The following LAMA2 variants were observed in gnomAD, a reference collection of about 807,000 sequenced individuals.
LAMA2 encodes laminin subunit alpha-2.
Under a neutral mutation model 364.8 loss-of-function variants are expected in LAMA2, and 269 were observed. That is an observed-to-expected ratio of 0.74 (90% CI 0.67 to 0.82). LAMA2 has a LOEUF of 0.82. Among genes scored for constraint, LAMA2 ranks in the 40% least tolerant of loss-of-function variants. The pLI is 0.00. For missense variants in LAMA2, 3,807 were observed against 3,873.2 expected (o/e 0.98, Z 0.45); for synonymous variants, 1,379 against 1,370.6 (o/e 1.01, Z -0.14).
chr6:129,142,967 G>T (rs990872291), intron 4 of LAMA2, among the ~76,000 whole-genome samples: 1 of 151,830 alleles, frequency 6.6e-6, no homozygotes, highest in African/African-American at 2.4e-5. Flanking sequence ...TTTCTTTATT[G>T]ATTTACAAGA....
chr6:129,045,859 G>A (rs1257405138), intron 1 of LAMA2, among the ~76,000 whole-genome samples: 1 of 152,168 alleles, frequency 6.6e-6, no homozygotes, highest in Non-Finnish European at 1.5e-5. Flanking sequence ...CAGGGCACAG[G>A]GAGTCTTACC....
At chr6:128,911,878 T>C (rs6932090) in intron 1 of LAMA2, among the ~76,000 whole-genome samples, 2,305 of 152,286 alleles carry the variant, frequency 0.015, 60 homozygotes, top group African/African-American at 0.053. Context: ...TAGAATTTCC[T>C]TTATATGAAA....
Position 129,271,870 on chromosome 6 carries a change from T to C in LAMA2, c.2450+1119T>C, listed in dbSNP as rs561945887. 2.6e-5 allele frequency among the ~76,000 whole-genome samples: 4 copies of C among 152,238 alleles called. No homozygotes were observed. In the East Asian group the frequency reaches 7.7e-4, roughly 29 times the overall value. ...TCAAGTAGGTCATACTTCAAACTCT[T>C]ACCCAGAATGCGCCTAATTAAAATG... is the stretch of plus-strand genomic sequence containing the variant. On this transcript the variant is annotated intron_variant, in intron 17 of 64. Transcript: ENST00000421865.
intron 33 of LAMA2, among the ~76,000 whole-genome samples, chr6:129,367,871 G>A (rs975189405): frequency 2.6e-5 from 4 of 152,160 alleles, no homozygotes; most frequent in African/African-American, 9.7e-5. Context: ...TTTATATGTT[G>A]AAAGTCTGTC....
At chr6:129,058,499 GT>G (rs1788642213) in intron 2 of LAMA2, among the ~76,000 whole-genome samples, 2 of 152,314 alleles carry the variant, frequency 1.3e-5, no homozygotes, top group Middle Eastern at 3.4e-3. Flanking sequence ...AAGATCTGTG[GT>G]TTTTGGTAGG....
intron 40 of LAMA2, among the ~76,000 whole-genome samples, chr6:129,413,946 G>A (rs1289403995): frequency 6.6e-6 from 1 of 151,944 alleles, no homozygotes; most frequent in East Asian, 1.9e-4. Flanking sequence ...ACAGCAAGTT[G>A]ATTCTTAGAA....
chr6:129,354,388 A>T (rs1361241509), intron 32 of LAMA2, among the ~76,000 whole-genome samples: 2 of 152,102 alleles, frequency 1.3e-5, no homozygotes, highest in Non-Finnish European at 2.9e-5. Flanking sequence ...ATAAATGTGA[A>T]GGTAGGTGAG....
chr6:129,152,629 A>G lies in LAMA2; in HGVS notation c.1028-1876A>G, dbSNP rs551192190. Among the ~76,000 whole-genome samples, 15 of 152,282 alleles carry G rather than the reference A, an allele frequency of 9.9e-5. 1 individual carries two copies. The highest frequency in any genetic ancestry group is 3.4e-4 in the African/African-American group (14 of 41,568). On this transcript the variant is annotated intron_variant, in intron 7 of 64. Coordinates refer to ENST00000421865, the MANE Select transcript of LAMA2 (RefSeq NM_000426.4). ...TCAAAACATGTATGAGACAAGTACTAAAGTGATGCTAGGACTCGAGTTTTT... is the reference window on the plus strand; with the variant it reads ...TCAAAACATGTATGAGACAAGTACTGAAGTGATGCTAGGACTCGAGTTTTT...
chr6:129,458,162 A>G (rs562572890), intron 48 of LAMA2, among the ~76,000 whole-genome samples: 1 of 152,222 alleles, frequency 6.6e-6, no homozygotes, highest in South Asian at 2.1e-4. Context: ...ATTTGAACAT[A>G]GGTTAATAGG....
chr6:129,059,309 T>TTAA (rs1562200152), intron 2 of LAMA2, among the ~76,000 whole-genome samples: 2 of 152,168 alleles, frequency 1.3e-5, no homozygotes, highest in Non-Finnish European at 2.9e-5. Flanking sequence ...TCCCTACGTC[T>TTAA]TAATAATAAT....
chr6:129,012,759 T>C (rs1784841668), intron 1 of LAMA2, among the ~76,000 whole-genome samples: 1 of 152,216 alleles, frequency 6.6e-6, no homozygotes, highest in African/African-American at 2.4e-5. Context: ...GAAGAGAAAA[T>C]AATTTTCAAA....
At chr6:129,172,701 C>T (rs1780274615) in intron 9 of LAMA2, among the ~76,000 whole-genome samples, 2 of 152,174 alleles carry the variant, frequency 1.3e-5, no homozygotes, top group Non-Finnish European at 2.9e-5. Flanking sequence ...TGGGCTCCAC[C>T]CAGTTGGAGC....
At chr6:129,154,874 C>T (rs1048586588) in intron 8 of LAMA2, among the ~76,000 whole-genome samples, 191 bp downstream of exon 8, 1 of 152,184 alleles carries the variant, frequency 6.6e-6, no homozygotes, top group Admixed American at 6.5e-5. Flanking sequence ...TTTTCCATCA[C>T]TCCAGAAAGT....
At chr6:129,149,929 A>G (rs1778696583) in intron 7 of LAMA2, among the ~76,000 whole-genome samples, 1 of 152,172 alleles carries the variant, frequency 6.6e-6, no homozygotes, top group Admixed American at 6.5e-5. Flanking sequence ...ATGCCACTGT[A>G]TAACAGGAAC....
intron 1 of LAMA2, among the ~76,000 whole-genome samples, chr6:128,944,638 GAA>G (rs77605926): frequency 1.0e-5 from 1 of 96,834 alleles, no homozygotes; most frequent in Non-Finnish European, 2.3e-5. Context: ...GCTAAAAGTA[GAA>G]AAAAAAAAAA....
chr6:128,916,035 T>G (rs1389536514), intron 1 of LAMA2, among the ~76,000 whole-genome samples: 1 of 152,216 alleles, frequency 6.6e-6, no homozygotes, highest in Admixed American at 6.5e-5. Flanking sequence ...GTGTACCTAA[T>G]GCCTAATTAT....
In LAMA2 at chr6:129,287,911, A is replaced by G; in HGVS notation, c.2602A>G (p.Asn868Asp). Residue 868 changes from asparagine (N) to aspartate (D), a missense_variant, in exon 19 of 65, where the codon AAT becomes GAT. Coordinates refer to ENST00000421865, the MANE Select transcript of LAMA2 (RefSeq NM_000426.4). ...AGGATCATGTCAGCCATGCCAATGC[A>G]ATGACAACCTTGACTTCTCCATCCC... ...PGGSCQPCQC[N>D]DNLDFSIPGS... 6.2e-7 allele frequency: 1 copy of G among 1,614,102 alleles called. No individual in the cohort carries two copies. Among genetic ancestry groups the G allele is most frequent in the Non-Finnish European group, 8.5e-7 (1 of 1,179,976 alleles).
At chr6:129,050,528 A>G (rs1395112331) in intron 2 of LAMA2, among the ~76,000 whole-genome samples, 10 of 152,166 alleles carry the variant, frequency 6.6e-5, no homozygotes, top group African/African-American at 2.4e-4. Flanking sequence ...TGCAGAAGAG[A>G]GAGGATGGCC....
At chr6:129,396,548 CT>C (rs1779628759) in intron 37 of LAMA2, among the ~76,000 whole-genome samples, 2 of 152,080 alleles carry the variant, frequency 1.3e-5, no homozygotes, top group African/African-American at 4.8e-5. Context: ...TCATAGAAGG[CT>C]TTGGATGCAG....
Sources: allele counts gnomAD v4.1 joint callset (sites outside exome capture counted in the v4.1 genomes callset), GRCh38; gene constraint gnomAD v4.1.1; transcripts MANE v1.5; gene names NCBI Gene and HGNC (gene_info 2026-07-23, HGNC 2026-07-21).